MAGI2: variants seen among roughly 807,000 people sequenced by gnomAD.
MAGI2 encodes membrane-associated guanylate kinase, WW and PDZ domain-containing protein 2.
In MAGI2, 35 loss-of-function variants were observed where a neutral mutation model predicts 133.3. The observed-to-expected ratio is 0.26, with a 90% CI of 0.20 to 0.35. The LOEUF (loss-of-function observed/expected upper bound fraction) is 0.35, where lower values mean the gene tolerates loss of function less well. MAGI2 is among the 10% of genes least tolerant of loss of function. The probability of loss-of-function intolerance (pLI) is 1.00; values close to 1 mark genes in which losing one functional copy is unlikely to be tolerated. For synonymous variants in MAGI2, 729 were observed against 710.6 expected, an observed-to-expected ratio of 1.03 and a Z score of -0.41; for missense variants, 1,636 against 1,863.4, an observed-to-expected ratio of 0.88 and a Z score of 2.25.
intron 3 of MAGI2, among the ~76,000 whole-genome samples, chr7:78,552,151 G>A (rs1799387314): frequency 6.9e-6 from 1 of 145,962 alleles, no homozygotes. Flanking sequence ...AATAACCATA[G>A]ACTTTTAGGT....
At chr7:78,620,290 C>T (rs1049635567) in intron 3 of MAGI2, among the ~76,000 whole-genome samples, 36 of 151,888 alleles carry the variant, frequency 2.4e-4, no homozygotes, top group African/African-American at 8.5e-4. Flanking sequence ...CCAATGCTAT[C>T]TTGATTGCAG....
intron 17 of MAGI2, chr7:78,134,760 G>A: frequency 2.9e-6 from 1 of 343,592 alleles, no homozygotes; most frequent in East Asian, 4.9e-5. Flanking sequence ...GAATAACCTG[G>A]CGTCTTGGAA....
intron 2 of MAGI2, among the ~76,000 whole-genome samples, chr7:78,914,643 T>A (rs1191331277): frequency 6.6e-6 from 1 of 152,114 alleles, no homozygotes; most frequent in Non-Finnish European, 1.5e-5. Flanking sequence ...ATACTATTCT[T>A]CATTAGGAAG....
At chr7:79,307,821 C>G (rs1837945071) in intron 1 of MAGI2, among the ~76,000 whole-genome samples, 1 of 152,160 alleles carries the variant, frequency 6.6e-6, no homozygotes, top group Non-Finnish European at 1.5e-5. Context: ...CAGTCAATAC[C>G]TGGGTAAACA....
chr7:78,624,690 G>T (rs1365901556), intron 3 of MAGI2, among the ~76,000 whole-genome samples: 1 of 133,102 alleles, frequency 7.5e-6, no homozygotes, highest in African/African-American at 2.8e-5. Context: ...ACAGCTAATG[G>T]ATGCTAGGCT....
At chr7:78,297,737 C>CCAAA (rs1231208720) in intron 9 of MAGI2, among the ~76,000 whole-genome samples, 3 of 149,994 alleles carry the variant, frequency 2.0e-5, no homozygotes, top group Admixed American at 6.7e-5. Flanking sequence ...GAACAAAAAA[C>CCAAA]CAAACACCGC....
At chr7:78,544,949 G>A (rs1029111696) in intron 3 of MAGI2, among the ~76,000 whole-genome samples, 2 of 151,584 alleles carry the variant, frequency 1.3e-5, no homozygotes, top group South Asian at 2.1e-4. Context: ...GTGAGCCACC[G>A]CACCTGGCCT....
intron 2 of MAGI2, among the ~76,000 whole-genome samples, chr7:78,881,090 C>T (rs1330852788): frequency 6.6e-6 from 1 of 152,130 alleles, no homozygotes; most frequent in Non-Finnish European, 1.5e-5. Context: ...TCTAGACCTA[C>T]AAGAAGACTT....
chr7:79,385,143 A>G (rs1418225064), intron 1 of MAGI2, among the ~76,000 whole-genome samples: 1 of 151,872 alleles, frequency 6.6e-6, no homozygotes, highest in African/African-American at 2.4e-5. Flanking sequence ...ATAGTAGTAC[A>G]AAACAGAGCA....
chr7:79,110,066 A>T (rs1424813423), intron 1 of MAGI2, among the ~76,000 whole-genome samples: 1 of 151,894 alleles, frequency 6.6e-6, no homozygotes, highest in African/African-American at 2.4e-5. Context: ...CGAGCCATAA[A>T]CCTTCATGGT....
intron 2 of MAGI2, among the ~76,000 whole-genome samples, chr7:78,731,270 A>G (rs1821345160): frequency 6.6e-6 from 1 of 152,108 alleles, no homozygotes; most frequent in South Asian, 2.1e-4. Flanking sequence ...AAAGAATTAG[A>G]ACTGTAAAAA....
chr7:79,156,990 T>C (rs367953188), intron 1 of MAGI2, among the ~76,000 whole-genome samples: 13 of 152,158 alleles, frequency 8.5e-5, no homozygotes, highest in African/African-American at 3.1e-4. Context: ...GTCCTGGAAC[T>C]CCCTTCGGTT....
intron 9 of MAGI2, among the ~76,000 whole-genome samples, chr7:78,270,279 G>A (rs1794436642): frequency 6.6e-6 from 1 of 152,140 alleles, no homozygotes; most frequent in Non-Finnish European, 1.5e-5. Context: ...GAAATTTGAA[G>A]TAGTTTTTTC....
chr7:79,298,629 T>G (rs1238458474), intron 1 of MAGI2, among the ~76,000 whole-genome samples: 1 of 152,192 alleles, frequency 6.6e-6, no homozygotes, highest in Non-Finnish European at 1.5e-5. Context: ...CTAGATAATT[T>G]AAGCATGGTC....
At chr7:79,347,415 T>C (rs571992948) in intron 1 of MAGI2, among the ~76,000 whole-genome samples, 83 of 151,990 alleles carry the variant, frequency 5.5e-4, no homozygotes, top group Non-Finnish European at 1.1e-3. Context: ...GTGTTATCTT[T>C]TCTTCTTTGC....
intron 1 of MAGI2, among the ~76,000 whole-genome samples, chr7:79,110,235 A>AG (rs1267242696): frequency 2.0e-5 from 3 of 152,120 alleles, no homozygotes; most frequent in Non-Finnish European, 4.4e-5. Context: ...GCAGTGTGAA[A>AG]GGAAAATATG....
At chr7:78,501,861 A>G in intron 4 of MAGI2, 74 bp from the exon 5 acceptor site, 1 of 1,079,476 alleles carries the variant, frequency 9.3e-7, no homozygotes, top group Non-Finnish European at 1.4e-6. Flanking sequence ...AGAATGCTGT[A>G]CCAGGGAATA....
Position 78,871,325 on chromosome 7 carries a change from A to ATAC in MAGI2, c.418+135764_418+135765insGTA, listed in dbSNP as rs200319346. Among the ~76,000 whole-genome samples the ATAC allele has an allele frequency of 3.1e-3, 467 of 151,918 alleles. 4 individuals are homozygous for ATAC. The highest frequency in any genetic ancestry group is 0.011 in the African/African-American group (442 of 41,424). ...ACTCCATCTCAAAATAATAATAATA[A>ATAC]TAATAATTTAATGGACTTTGGGGAC... On this transcript the variant is annotated intron_variant, in intron 2 of 21. Coordinates refer to ENST00000354212, the MANE Select transcript of MAGI2 (RefSeq NM_012301.4).
intron 1 of MAGI2, among the ~76,000 whole-genome samples, chr7:79,040,644 TG>T (rs1426181382): frequency 1.3e-5 from 2 of 152,166 alleles, no homozygotes; most frequent in African/African-American, 4.8e-5. Context: ...AATTGGACCA[TG>T]GGGGTGGTTT....
Sources: allele counts gnomAD v4.1 joint callset (sites outside exome capture counted in the v4.1 genomes callset), GRCh38; gene constraint gnomAD v4.1.1; transcripts MANE v1.5; gene names NCBI Gene and HGNC (gene_info 2026-07-23, HGNC 2026-07-21).